The following MACIR variants were observed in gnomAD, a reference collection of about 807,000 sequenced individuals.
MACIR encodes UNC119-binding protein C5orf30.
In MACIR, 4 loss-of-function variants were observed where a neutral mutation model predicts 14.3. The ratio of observed to expected loss-of-function variants is 0.28; its 90% CI spans 0.14 to 0.64. The LOEUF (loss-of-function observed/expected upper bound fraction) is 0.64, where lower values mean the gene tolerates loss of function less well. Ranked by LOEUF, MACIR falls within the 30% of genes least tolerant of loss-of-function variation. The pLI is 0.83. For synonymous variants in MACIR, 101 were observed against 102.4 expected (o/e 0.99, Z 0.08); for missense variants, 228 against 257.6 (o/e 0.89, Z 0.79).
chr5:103,264,889 A>G (rs1423182212), intron 1 of MACIR, among the ~76,000 whole-genome samples: 2 of 152,070 alleles, frequency 1.3e-5, no homozygotes. Flanking sequence ...TTGATAAGGT[A>G]TTGTACTGTT....
Position 103,277,608 on chromosome 5 carries a change from A to C in MACIR, c.*1068A>C, listed in dbSNP as rs1231360006. ...TAGTGTAGGAGCCTAACGTGCTTCT[A>C]CTGTTTTAATGGGTTAATCCTGGAT... On this transcript the variant is annotated 3_prime_UTR_variant, in exon 3 of 3. Transcript: ENST00000319933. The C allele has an allele frequency of 6.0e-6, 1 of 167,008 alleles. No individual in the cohort carries two copies. Among genetic ancestry groups the C allele is most frequent in the Non-Finnish European group, 1.5e-5 (1 of 68,092 alleles). 10.3% of individuals were successfully genotyped at this position (167,008 alleles called of 1,614,324 possible).
At chr5:103,260,581 C>A (rs1052376966) in intron 1 of MACIR, among the ~76,000 whole-genome samples, 9 of 152,182 alleles carry the variant, frequency 5.9e-5, no homozygotes, top group Non-Finnish European at 8.8e-5. Context: ...CTTTTGCTAA[C>A]AGTTTATTTA....
At chr5:103,274,151 C>G (rs1464306770) in intron 2 of MACIR, among the ~76,000 whole-genome samples, 1 of 152,102 alleles carries the variant, frequency 6.6e-6, no homozygotes, top group Non-Finnish European at 1.5e-5. Context: ...TTCTGGGTTA[C>G]AAAATTAGTG....
At chr5:103,267,158 T>G (rs564959462) in intron 2 of MACIR, among the ~76,000 whole-genome samples, 11 of 152,252 alleles carry the variant, frequency 7.2e-5, no homozygotes, top group Admixed American at 3.9e-4. Flanking sequence ...CTTGGCATCC[T>G]TGGGGGATTG....
intron 1 of MACIR, among the ~76,000 whole-genome samples, chr5:103,263,014 A>T (rs1303002772): frequency 2.6e-5 from 4 of 152,152 alleles, no homozygotes; most frequent in Admixed American, 2.0e-4. Context: ...TGAAAGGTAC[A>T]TGTTTTGGGA....
intron 1 of MACIR, among the ~76,000 whole-genome samples, chr5:103,261,705 C>CTTTCTTT (rs1562545911): frequency 3.5e-4 from 22 of 62,848 alleles, no homozygotes; most frequent in Admixed American, 9.2e-4. Flanking sequence ...TTTCTTTCTT[C>CTTTCTTT]CTTTCTTTCT....
At chr5:103,275,823 C>A in intron 2 of MACIR, 74 bp from the exon 3 acceptor site, 5 of 1,284,368 alleles carry the variant, frequency 3.9e-6, no homozygotes, top group Non-Finnish European at 5.4e-6. Context: ...GCTCCCTGAG[C>A]CTTCTAAAAG....
At chr5:103,261,931 A>G (rs1331516183) in intron 1 of MACIR, among the ~76,000 whole-genome samples, 1 of 152,026 alleles carries the variant, frequency 6.6e-6, no homozygotes, top group Non-Finnish European at 1.5e-5. Flanking sequence ...GCTGGTCCTC[A>G]TATTTATAGT....
Position 103,276,531 on chromosome 5 carries a change from T to A in MACIR, c.612T>A (p.Asn204Lys), listed in dbSNP as rs2149935995. The stretch of plus-strand genomic sequence containing the variant: ...GAGGGGACCGTGTGTTTGCTAGGAA[T>A]AATACATGAATGACTTGGAGAGAGC... ...TLRGDRVFAR[N>K]NT Residue 204 changes from asparagine to lysine, a missense_variant, in exon 3 of 3, where the codon AAT becomes AAA. Coordinates refer to ENST00000319933, the MANE Select transcript of MACIR (RefSeq NM_033211.4). The A allele has an allele frequency of 6.2e-7, 1 of 1,607,756 alleles. No homozygotes were observed. The highest frequency in any genetic ancestry group is 1.7e-4 in the Middle Eastern group (1 of 5,758).
At chr5:103,275,311 C>T (rs1169143990) in intron 2 of MACIR, among the ~76,000 whole-genome samples, 8 of 152,160 alleles carry the variant, frequency 5.3e-5, no homozygotes, top group Admixed American at 1.3e-4. Context: ...CCCTAAGACT[C>T]CTCATACTCT....
In MACIR at chr5:103,275,958, G is replaced by C. The variant is rs782054406; in HGVS notation, c.39G>C (p.Leu13=). The C allele has an allele frequency of 2.5e-6, 4 of 1,613,848 alleles. No homozygotes were observed. The highest frequency in any genetic ancestry group is 1.1e-5 in the South Asian group (1 of 91,044). Residue 13 remains leucine (L), a synonymous_variant, in exon 3 of 3, where the codon CTG becomes CTC. Transcript: ENST00000319933. ...VDINGESRST[L]TTLPFPGAEA... ...TTAATGGAGAGTCTAGAAGTACCCT[G>C]ACCACCTTGCCCTTCCCTGGGGCTG...
In MACIR at chr5:103,259,811, G is replaced by A. The variant is rs916812957; in HGVS notation, c.-114+915G>A. On this transcript the variant is annotated intron_variant, in intron 1 of 2. Coordinates refer to ENST00000319933, the MANE Select transcript of MACIR (RefSeq NM_033211.4). The stretch of plus-strand genomic sequence containing the variant: ...GGGCAGGTGGGAAGCGGAGGAGAGG[G>A]GTTTCGAGGCGGGTGGCAGTCAGAC... 1.1e-4 allele frequency: 17 copies of A among 152,412 alleles called. No individual in the cohort carries two copies. The East Asian group carries it at 3.3e-3, about 29-fold the overall frequency. The allele number at this position is 152,412 out of a possible 1,614,324, so 9.4% of individuals were successfully genotyped here. A position where few individuals can be genotyped will look rare whatever the true frequency, so the allele number is the denominator to read the frequency against.
chr5:103,276,608 A>G lies in MACIR; in HGVS notation c.*68A>G. On this transcript the variant is annotated 3_prime_UTR_variant, in exon 3 of 3. Transcript: ENST00000319933. ...TTGGCTAGAAAAAACCCACTGCTGT[A>G]CTCTGTACATGACTCTTCACACTAT... The G allele has an allele frequency of 7.1e-7, 1 of 1,413,532 alleles. No individual in the cohort carries two copies. The allele number at this position is 1,413,532 out of a possible 1,614,324, so 87.6% of individuals were successfully genotyped here.
intron 1 of MACIR, among the ~76,000 whole-genome samples, chr5:103,265,400 A>C (rs1274499237): frequency 9.2e-5 from 14 of 152,142 alleles, no homozygotes; most frequent in African/African-American, 3.4e-4. Context: ...CATTTGATCC[A>C]TCTAACAACT....
intron 1 of MACIR, among the ~76,000 whole-genome samples, chr5:103,263,221 C>A (rs1057320752): frequency 1.3e-5 from 2 of 151,586 alleles, no homozygotes; most frequent in East Asian, 3.9e-4. Flanking sequence ...TCCTCCTCCT[C>A]CTCCTGCTCT....
rs1554237731 is a variant in MACIR, at chr5:103,276,405, G to A, written c.486G>A (p.Arg162=). 1 of 1,613,884 alleles carries A rather than the reference G, an allele frequency of 6.2e-7. No homozygotes were observed. Among genetic ancestry groups the A allele is most frequent in the Non-Finnish European group, 8.5e-7 (1 of 1,179,984 alleles). ...CTCTTTGTCTTCTTAAAGGTAAGAGGGCTCACTCCAAATCTCTGGACTACC... is the reference window on the plus strand; with the variant it reads ...CTCTTTGTCTTCTTAAAGGTAAGAGAGCTCACTCCAAATCTCTGGACTACC... ...PLPLCLLKGK[R]AHSKSLDYLN... is the part of the protein sequence containing the mutation. Residue 162 remains arginine, a synonymous_variant, in exon 3 of 3, where the codon AGG becomes AGA. Coordinates refer to ENST00000319933, the MANE Select transcript of MACIR (RefSeq NM_033211.4).
intron 2 of MACIR, among the ~76,000 whole-genome samples, chr5:103,271,199 T>G (rs1379461659): frequency 3.3e-5 from 5 of 152,172 alleles, no homozygotes; most frequent in Non-Finnish European, 7.4e-5. Context: ...GGTATTAGGA[T>G]ACGGTGTTTC....
chr5:103,276,117 T>C lies in MACIR; in HGVS notation c.198T>C (p.Thr66=), dbSNP rs1805318122. 1 of 1,613,892 alleles carries C rather than the reference T, an allele frequency of 6.2e-7. No homozygotes were observed. The highest frequency in any genetic ancestry group is 8.5e-7 in the Non-Finnish European group (1 of 1,180,016). ...CTAACTATTTGGTTGGCTTCACGAC[T>C]GGCGAGGAACTCCTGAAGTTAGCTC... ...MDSNYLVGFT[T]GEELLKLAQK... Residue 66 remains threonine (T), a synonymous_variant, in exon 3 of 3, where the codon ACT becomes ACC. Coordinates refer to ENST00000319933, the MANE Select transcript of MACIR (RefSeq NM_033211.4).
chr5:103,260,651 A>G (rs1343008718), intron 1 of MACIR, among the ~76,000 whole-genome samples: 4 of 152,256 alleles, frequency 2.6e-5, no homozygotes, highest in Non-Finnish European at 4.4e-5. Context: ...TTGATATTAT[A>G]TAACAGTCAA....
Sources: gnomAD v4.1 joint callset for allele counts (sites outside exome capture counted in the v4.1 genomes callset) on GRCh38, gnomAD v4.1.1 for gene constraint, MANE v1.5 for transcripts, NCBI Gene and HGNC (gene_info 2026-07-23, HGNC 2026-07-21) for gene names.